ANKS1B: variants seen among roughly 807,000 people sequenced by gnomAD.
ANKS1B encodes the protein ankyrin repeat and sterile alpha motif domain-containing protein 1B.
Under a neutral mutation model 148.3 loss-of-function variants are expected in ANKS1B, and 36 were observed. The ratio of observed to expected loss-of-function variants is 0.24; its 90% CI spans 0.19 to 0.32. The LOEUF (loss-of-function observed/expected upper bound fraction) is 0.32, where lower values mean the gene tolerates loss of function less well. Among genes scored for constraint, ANKS1B ranks in the 10% least tolerant of loss-of-function variants. ANKS1B has a pLI of 1.00. For missense variants in ANKS1B, 1,157 were observed against 1,542.6 expected, an observed-to-expected ratio of 0.75 and a Z score of 4.19; for synonymous variants, 542 against 560.8, an observed-to-expected ratio of 0.97 and a Z score of 0.47.
chr12:98,760,367 T>A (rs1250752766), intron 25 of ANKS1B, among the ~76,000 whole-genome samples: 1 of 152,128 alleles, frequency 6.6e-6, no homozygotes, highest in Non-Finnish European at 1.5e-5. Flanking sequence ...CAGGCTCACA[T>A]GATCCTCTCA....
chr12:98,874,663 A>G (rs941654090), intron 17 of ANKS1B, among the ~76,000 whole-genome samples: 3 of 152,178 alleles, frequency 2.0e-5, no homozygotes, highest in Admixed American at 6.5e-5. Context: ...AAGACTAGGA[A>G]CCTGGTTAAA....
In ANKS1B at chr12:99,126,223, T is replaced by C. The variant is rs145578650; in HGVS notation, c.2526+28066A>G. Among the ~76,000 whole-genome samples, 819 of 152,256 alleles carry C rather than the reference T, an allele frequency of 5.4e-3. 5 individuals are homozygous for C. The highest frequency in any genetic ancestry group is 0.019 in the African/African-American group (786 of 41,542). The stretch of plus-strand genomic sequence containing the variant: ...CATGGCTGGTCTAGGTATCTGCTTT[T>C]AGGTTAATCCCTCTACGCAGGAAGT... On this transcript the variant is annotated intron_variant, in intron 15 of 26. Transcript: ENST00000683438.
intron 12 of ANKS1B, among the ~76,000 whole-genome samples, chr12:99,335,577 T>C (rs2088652584): frequency 3.9e-5 from 6 of 152,088 alleles, no homozygotes. Context: ...TTAGCTCCCA[T>C]AAATAAATGA....
intron 1 of ANKS1B, among the ~76,000 whole-genome samples, chr12:99,959,913 A>G (rs1313711804): frequency 2.6e-5 from 4 of 152,212 alleles, no homozygotes; most frequent in African/African-American, 9.7e-5. Context: ...TACTTAATAA[A>G]TTATTTCAAA....
At chr12:98,821,789 G>T (rs1270496388) in intron 19 of ANKS1B, among the ~76,000 whole-genome samples, 1 of 151,978 alleles carries the variant, frequency 6.6e-6, no homozygotes, top group Non-Finnish European at 1.5e-5. Context: ...TGCATTTTTA[G>T]CAGAGATGGG....
At chr12:98,740,411 G>A (rs1027713471), downstream of ANKS1B, among the ~76,000 whole-genome samples, 1 of 152,158 alleles carries the variant, frequency 6.6e-6, no homozygotes, top group African/African-American at 2.4e-5. Context: ...CTTTGTGCCT[G>A]CTCTGCCCAT....
intron 24 of ANKS1B, among the ~76,000 whole-genome samples, chr12:98,773,562 C>T (rs879518252): frequency 6.6e-5 from 10 of 152,132 alleles, no homozygotes; most frequent in Non-Finnish European, 1.2e-4. Context: ...TCAAGCAATT[C>T]TCCTGCCTCA....
chr12:98,846,324 A>ATG (rs2099468578), intron 17 of ANKS1B, among the ~76,000 whole-genome samples: 1 of 152,240 alleles, frequency 6.6e-6, no homozygotes, highest in African/African-American at 2.4e-5. Flanking sequence ...GTTCCAGTTA[A>ATG]TGAAGGTTTC....
At chr12:99,302,165 A>G (rs535459911) in intron 12 of ANKS1B, among the ~76,000 whole-genome samples, 50 of 152,172 alleles carry the variant, frequency 3.3e-4, no homozygotes, top group Non-Finnish European at 6.2e-4. Context: ...TTCATATGAA[A>G]AGATTTTTTA....
chr12:98,855,333 T>C (rs911649235), intron 17 of ANKS1B, among the ~76,000 whole-genome samples: 1 of 152,220 alleles, frequency 6.6e-6, no homozygotes, highest in African/African-American at 2.4e-5. Context: ...AGTGGCCATA[T>C]TTAGAGGGCC....
At chr12:98,807,802 A>G (rs746003736) in intron 20 of ANKS1B, 42 bp downstream of exon 20, 72 of 1,543,692 alleles carry the variant, frequency 4.7e-5, no homozygotes, top group Non-Finnish European at 5.6e-5. Flanking sequence ...CACAGTACAT[A>G]GCGCAAGTTC....
At chr12:99,432,185 G>A (rs967254397) in intron 11 of ANKS1B, among the ~76,000 whole-genome samples, 1 of 152,184 alleles carries the variant, frequency 6.6e-6, no homozygotes, top group Non-Finnish European at 1.5e-5. Context: ...GCAGAAGTGT[G>A]AGTTAAATAA....
At chr12:99,652,750 T>C (rs1010240056) in intron 9 of ANKS1B, among the ~76,000 whole-genome samples, 3 of 152,036 alleles carry the variant, frequency 2.0e-5, no homozygotes, top group East Asian at 1.9e-4. Flanking sequence ...GTTTAAAAAA[T>C]AGGAAGGCAG....
chr12:99,704,831 T>G (rs973612415), intron 8 of ANKS1B, among the ~76,000 whole-genome samples: 3 of 152,110 alleles, frequency 2.0e-5, no homozygotes, highest in Non-Finnish European at 4.4e-5. Flanking sequence ...GGGAAAAATA[T>G]GTCAGATGAC....
chr12:99,346,354 T>G (rs2090677515), intron 12 of ANKS1B, among the ~76,000 whole-genome samples: 1 of 150,990 alleles, frequency 6.6e-6, no homozygotes, highest in Non-Finnish European at 1.5e-5. Flanking sequence ...CATGTATACA[T>G]TCTCTCTCTC....
chr12:98,847,153 C>G (rs2099483488), intron 17 of ANKS1B, among the ~76,000 whole-genome samples: 2 of 152,116 alleles, frequency 1.3e-5, no homozygotes. Flanking sequence ...CCTCTTCTGG[C>G]AAATTTTAAA....
chr12:99,089,381 T>G (rs1181420287), intron 15 of ANKS1B, among the ~76,000 whole-genome samples: 3 of 152,160 alleles, frequency 2.0e-5, no homozygotes, highest in Non-Finnish European at 4.4e-5. Flanking sequence ...CTCTGTCAAA[T>G]GTTAAGAATG....
chr12:99,000,218 C>T (rs1032390592), intron 17 of ANKS1B, among the ~76,000 whole-genome samples: 2 of 150,712 alleles, frequency 1.3e-5, no homozygotes, highest in South Asian at 4.2e-4. Context: ...TAGTGAAGGG[C>T]TTCAGAGAAG....
At chr12:99,358,034 A>G (rs905616450) in intron 12 of ANKS1B, among the ~76,000 whole-genome samples, 7 of 151,722 alleles carry the variant, frequency 4.6e-5, no homozygotes, top group African/African-American at 1.5e-4. Flanking sequence ...TTCTTTCCCA[A>G]TTTTCTACTA....
Sources: allele counts gnomAD v4.1 joint callset (sites outside exome capture counted in the v4.1 genomes callset), GRCh38; gene constraint gnomAD v4.1.1; transcripts MANE v1.5; gene names NCBI Gene and HGNC (gene_info 2026-07-23, HGNC 2026-07-21).